The following LAMA3 variants were observed in gnomAD, a reference collection of about 807,000 sequenced individuals.
LAMA3 encodes the protein laminin subunit alpha-3.
A neutral mutation model predicts 402.0 loss-of-function variants in LAMA3; 281 were observed. The observed-to-expected ratio is 0.70, with a 90% confidence interval of 0.63 to 0.77. LAMA3 has a LOEUF of 0.77. Among genes scored for constraint, LAMA3 ranks in the 30% least tolerant of loss-of-function variants. The pLI is 0.00. For synonymous variants in LAMA3, 1,431 were observed against 1,558.4 expected, an observed-to-expected ratio of 0.92 and a Z score of 1.93; for missense variants, 3,840 against 4,215.5, an observed-to-expected ratio of 0.91 and a Z score of 2.47.
chr18:23,923,802 A>G (rs2145333960), intron 62 of LAMA3, among the ~76,000 whole-genome samples: 1 of 152,326 alleles, frequency 6.6e-6, no homozygotes, highest in Middle Eastern at 3.4e-3. Flanking sequence ...TTGTGTTTGC[A>G]TGATATTAAC....
intron 69 of LAMA3, 127 bp downstream of exon 69, chr18:23,944,098 A>G: frequency 1.1e-6 from 1 of 895,942 alleles, no homozygotes; most frequent in Non-Finnish European, 1.8e-6. Context: ...GTGTGCTTGC[A>G]GGCGCTGCGT....
chr18:23,894,000 G>T (rs2080786225), intron 42 of LAMA3, among the ~76,000 whole-genome samples: 2 of 152,144 alleles, frequency 1.3e-5, no homozygotes, highest in Non-Finnish European at 2.9e-5. Flanking sequence ...ATATAACAGG[G>T]AGGCCACAAA....
chr18:23,721,346 G>A (rs73967139), intron 2 of LAMA3, among the ~76,000 whole-genome samples: 2,963 of 152,234 alleles, frequency 0.019, 93 homozygotes, highest in African/African-American at 0.068. Context: ...GTTCAAAGAC[G>A]TAAACTCCTT....
rs143950638 is a variant in LAMA3 at position 23,939,756 on chromosome 18, T to C, written c.9026+370T>C. Among the ~76,000 whole-genome samples, 322 of 152,372 alleles carry C rather than the reference T, an allele frequency of 2.1e-3. 3 individuals carry two copies. The highest frequency in any genetic ancestry group is 3.3e-3 in the South Asian group (16 of 4,832). ...CTGTAGTGAAAGTAAAATCATTCTT[T>C]TTTGGTAGACGCAGTGCCAGATAGA... On this transcript the variant is annotated intron_variant, in intron 68 of 74. Transcript: ENST00000313654.
rs372676782 is a variant in LAMA3 at position 23,743,831 on chromosome 18, C to T, written c.448-4112C>T. On this transcript the variant is annotated intron_variant, in intron 2 of 74. Transcript: ENST00000313654. ...CATCATTTCTCCCCTTATCTCTGAC[C>T]CCCAAATACGATCTCTTTGAAAATG... 2.5e-4 allele frequency among the ~76,000 whole-genome samples: 38 copies of T among 152,276 alleles called. 1 individual carries two copies. The East Asian group carries it at 4.8e-3, about 19-fold the overall frequency.
rs544795876 is a variant in LAMA3, at chr18:23,753,826, A to G, written c.947+14A>G. The G allele has an allele frequency of 6.3e-7, 1 of 1,581,918 alleles. No individual in the cohort carries two copies. The highest frequency in any genetic ancestry group is 1.1e-5 in the South Asian group (1 of 90,282). ...TCCTGAAAAACTGTAAGTACACTGT[A>G]CAGATTTTTTTCAGCCTTACTATGA... On this transcript the variant is annotated intron_variant, in intron 6 of 74. Coordinates refer to ENST00000313654, the MANE Select transcript of LAMA3 (RefSeq NM_198129.4).
intron 1 of LAMA3, among the ~76,000 whole-genome samples, chr18:23,706,208 G>A (rs1219321003): frequency 6.6e-6 from 1 of 152,018 alleles, no homozygotes; most frequent in East Asian, 1.9e-4. Context: ...ACCACTGTTA[G>A]TTCATCCACC....
intron 62 of LAMA3, among the ~76,000 whole-genome samples, chr18:23,923,204 C>T (rs1265789940): frequency 1.3e-5 from 2 of 152,150 alleles, no homozygotes; most frequent in African/African-American, 4.8e-5. Flanking sequence ...CCTTGAAAGT[C>T]ACAGTAAGGA....
chr18:23,751,230 A>G, intron 5 of LAMA3, 142 bp downstream of exon 5: 1 of 785,166 alleles, frequency 1.3e-6, no homozygotes, highest in Admixed American at 2.3e-5. Context: ...GAAATACTAG[A>G]TATAATTAGG....
chr18:23,691,683 C>T (rs1377127493), intron 1 of LAMA3, among the ~76,000 whole-genome samples: 2 of 152,180 alleles, frequency 1.3e-5, no homozygotes, highest in Admixed American at 1.3e-4. Flanking sequence ...GTAATCCTCC[C>T]ACTTCAGCCT....
intron 55 of LAMA3, among the ~76,000 whole-genome samples, chr18:23,911,308 A>G (rs549535048): frequency 6.6e-6 from 1 of 152,334 alleles, no homozygotes; most frequent in East Asian, 1.9e-4. Flanking sequence ...ATATTGATAG[A>G]GAAAATGCAG....
chr18:23,864,789 C>T lies in LAMA3; in HGVS notation c.4589C>T (p.Ser1530Phe), dbSNP rs2064312109. The change falls in exon 36 of 75, where the codon TCT (serine) becomes TTT (phenylalanine). Residue 1530 changes from serine to phenylalanine, a missense_variant. Transcript: ENST00000313654. ...ATGCTATTAATTCCATTTTAGGTTTCTTCATATGGTGGTTACCTCACTTAC... is the reference window on the plus strand; with the variant it reads ...ATGCTATTAATTCCATTTTAGGTTTTTTCATATGGTGGTTACCTCACTTAC... Reference protein sequence around the residue: ...APTSYLGDKVSSYGGYLTYQA... With the variant: ...APTSYLGDKVFSYGGYLTYQA... 6.2e-7 allele frequency: 1 copy of T among 1,604,490 alleles called. No individual in the cohort carries two copies.
At position 23,921,522 on chromosome 18, in the gene LAMA3, A is replaced by T; in HGVS notation, c.8114A>T (p.Asp2705Val). The T allele has an allele frequency of 1.2e-6, 2 of 1,613,502 alleles. No homozygotes were observed. The highest frequency in any genetic ancestry group is 1.7e-6 in the Non-Finnish European group (2 of 1,179,458). The change falls in exon 62 of 75, where the codon GAT becomes GTT. Residue 2705 changes from aspartate to valine, a missense_variant. Asp to Val is a radical substitution (Grantham distance 152, BLOSUM62 -3). Transcript: ENST00000313654. ...INVDVQNTII[D>V]GEVFDFSTYY... ...GTGGACGTTCAAAACACTATAATTG[A>T]TGGTGAAGTATTTGATTTCAGCACA...
In LAMA3 at chr18:23,901,196, G is replaced by A. The variant is rs564061313; in HGVS notation, c.6074G>A (p.Arg2025Gln). The change falls in exon 48 of 75, where the codon CGG becomes CAG. Residue 2025 changes from arginine to glutamine, a missense_variant. Arg to Gln is a conservative substitution (Grantham distance 43). Transcript: ENST00000313654. ...AACAATGGGCTTGCTAACAGTATCC[G>A]GGATTCTTTAAATGAATACGAAGCC... ...GENNGLANSIRDSLNEYEAKL... is the reference protein window; with the variant it reads ...GENNGLANSIQDSLNEYEAKL... 13 of 1,614,162 alleles carry A rather than the reference G, an allele frequency of 8.1e-6. No individual in the cohort carries two copies. The highest frequency in any genetic ancestry group is 1.7e-5 in the Admixed American group (1 of 60,028).
intron 12 of LAMA3, among the ~76,000 whole-genome samples, chr18:23,787,348 T>C (rs914315403): frequency 6.6e-6 from 1 of 151,616 alleles, no homozygotes; most frequent in African/African-American, 2.4e-5. Context: ...AACATATGGG[T>C]AATGAGAGCA....
At position 23,943,888 on chromosome 18, in the gene LAMA3, C is replaced by T. The variant is rs778826328; in HGVS notation, c.9127C>T (p.Arg3043Cys). ...SFMALYLSKG[R>C]LVFALGTDGK... is the part of the protein sequence containing the mutation. ...TATGGCTCTTTATCTTTCAAAAGGA[C>T]GTCTGGTCTTTGCACTGGGGACAGA... Residue 3043 changes from arginine to cysteine, a missense_variant, in exon 69 of 75, where the codon CGT becomes TGT. Physicochemically the swap from Arg to Cys is radical, Grantham distance 180 (BLOSUM62 -3). Transcript: ENST00000313654. The T allele has an allele frequency of 2.5e-5, 40 of 1,613,782 alleles. No homozygotes were observed. The highest frequency in any genetic ancestry group is 5.5e-5 in the South Asian group (5 of 91,078).
intron 32 of LAMA3, among the ~76,000 whole-genome samples, chr18:23,855,359 CT>C (rs1259051954): frequency 6.6e-6 from 1 of 152,208 alleles, no homozygotes; most frequent in East Asian, 1.9e-4. Context: ...CAATGGCCCT[CT>C]TCTGTTCTGA....
rs1364217086 is a variant in LAMA3, at chr18:23,909,308, C to G, written c.7158+13C>G. The stretch of plus-strand genomic sequence containing the variant: ...TGCTGCCAGTAAGGTGAGTGTGTCC[C>G]CACGTGGTCAGTGGCCAAGGCTAGT... On this transcript the variant is annotated intron_variant, in intron 55 of 74. Coordinates refer to ENST00000313654, the MANE Select transcript of LAMA3 (RefSeq NM_198129.4). 1 of 1,609,842 alleles carries G rather than the reference C, an allele frequency of 6.2e-7. No individual in the cohort carries two copies. Among genetic ancestry groups the G allele is most frequent in the Non-Finnish European group, 8.5e-7 (1 of 1,179,466 alleles).
Position 23,861,637 on chromosome 18 carries a change from T to A in LAMA3, c.4423-9T>A, listed in dbSNP as rs201224585. On this transcript the variant is annotated splice_polypyrimidine_tract_variant and intron_variant, in intron 34 of 74. Coordinates refer to ENST00000313654, the MANE Select transcript of LAMA3 (RefSeq NM_198129.4). ...CGTTTCCATCCCTTGCTTCTCTCCCTCTTTCCAGTTTGTGGATATGCTGGG... is the reference window on the plus strand; with the variant it reads ...CGTTTCCATCCCTTGCTTCTCTCCCACTTTCCAGTTTGTGGATATGCTGGG... 348 of 1,614,058 alleles carry A rather than the reference T, an allele frequency of 2.2e-4. No individual in the cohort carries two copies. Among genetic ancestry groups the A allele is most frequent in the Non-Finnish European group, 2.9e-4 (339 of 1,180,028 alleles).
Sources: gnomAD v4.1 joint callset for allele counts (sites outside exome capture counted in the v4.1 genomes callset) on GRCh38, gnomAD v4.1.1 for gene constraint, MANE v1.5 for transcripts, NCBI Gene and HGNC (gene_info 2026-07-23, HGNC 2026-07-21) for gene names.